Variants in ANK3 observed in about 807,000 individuals in gnomAD.
ANK3 encodes the protein ankyrin 3.
In ANK3, 57 loss-of-function variants were observed where a neutral mutation model predicts 370.9. The ratio of observed to expected loss-of-function variants is 0.15; its 90% CI spans 0.12 to 0.19. The LOEUF (loss-of-function observed/expected upper bound fraction) is 0.19. Ranked by LOEUF, ANK3 falls within the 10% of genes least tolerant of loss-of-function variation. ANK3 has a pLI of 1.00. For synonymous variants in ANK3, 1,929 were observed against 1,946.3 expected (o/e 0.99, Z 0.23); for missense variants, 4,439 against 5,302.1 (o/e 0.84, Z 5.06).
In ANK3 at chr10:60,069,626, C is replaced by T; in HGVS notation, c.11255G>A (p.Cys3752Tyr). ...TDKIEAVMTS[C>Y]QGLENETITM... The stretch of plus-strand genomic sequence containing the variant: ...TATAGTTTCATTTTCTAATCCCTGA[C>T]AACTGGTCATCACCGCTTCTATCTT... Residue 3752 changes from cysteine to tyrosine, a missense_variant, in exon 37 of 44, where the codon TGT (cysteine) becomes TAT (tyrosine). Around this residue, in one of 13 missense-constraint regions of ANK3, gnomAD observed 496 missense variants for 529.3 expected, o/e 0.94. Transcript: ENST00000280772. 4 of 1,614,190 alleles carry T rather than the reference C, an allele frequency of 2.5e-6. No individual in the cohort carries two copies. Among genetic ancestry groups the T allele is most frequent in the South Asian group, 1.1e-5 (1 of 91,082 alleles).
chr10:60,431,608 G>A (rs988945370), intron 2 of ANK3, among the ~76,000 whole-genome samples: 1 of 152,064 alleles, frequency 6.6e-6, no homozygotes, highest in Non-Finnish European at 1.5e-5. Flanking sequence ...GAGAACACGA[G>A]GACACAGGGA....
At chr10:60,733,455 A>T in exon 1 of ANK3, 3 of 761,372 alleles carry the variant, frequency 3.9e-6, no homozygotes, top group Non-Finnish European at 5.4e-6. Flanking sequence ...CGGCCCCGCG[A>T]CGCCCGCCCA....
chr10:60,046,739 AT>A (rs2077027715), intron 42 of ANK3, among the ~76,000 whole-genome samples: 1 of 152,078 alleles, frequency 6.6e-6, no homozygotes, highest in Non-Finnish European at 1.5e-5. Context: ...TCTGTCAACT[AT>A]ATTAGAGACC....
In ANK3 at chr10:60,190,629, T is replaced by C. The variant is rs75537778; in HGVS notation, c.1888-3717A>G. Among the ~76,000 whole-genome samples, 290 of 152,278 alleles carry C rather than the reference T, an allele frequency of 1.9e-3. 3 individuals carry two copies. Among genetic ancestry groups the C allele is most frequent in the African/African-American group, 6.8e-3 (281 of 41,542 alleles). Reference sequence around the variant, plus strand: ...TTTCTTGCTGCCTGTGGCTTGAAAGTAAATTTGGCAACCCAGTCAACAGTC... The same window carrying C: ...TTTCTTGCTGCCTGTGGCTTGAAAGCAAATTTGGCAACCCAGTCAACAGTC... On this transcript the variant is annotated intron_variant, in intron 16 of 43. Coordinates refer to ENST00000280772, the MANE Select transcript of ANK3 (RefSeq NM_020987.5).
rs527817762 is a variant in ANK3, at chr10:60,407,829, C to T, written c.97-128190G>A. Among the ~76,000 whole-genome samples the T allele has an allele frequency of 2.0e-5, 3 of 152,278 alleles. No individual in the cohort carries two copies. In the East Asian group the frequency reaches 5.8e-4, roughly 29 times the overall value. Reference sequence around the variant, plus strand: ...ATGTCACACATTTAATGAATTTCTGCCCCTTTGAAGCAATGCAAAATGATG... The same window carrying T: ...ATGTCACACATTTAATGAATTTCTGTCCCTTTGAAGCAATGCAAAATGATG... On this transcript the variant is annotated intron_variant, in intron 2 of 43. Coordinates refer to the ANK3 transcript ENST00000373827.
chr10:60,354,804 G>A lies in ANK3; in HGVS notation c.114+34621C>T, dbSNP rs2057462316. ...CTACAATGCAGTTGTATAAAAAGTG[G>A]AATGTTATTATAATACACGTTTATC... On this transcript the variant is annotated intron_variant, in intron 1 of 43. Coordinates refer to ENST00000280772, the MANE Select transcript of ANK3 (RefSeq NM_020987.5). Among the ~76,000 whole-genome samples, 5 of 152,040 alleles carry A rather than the reference G, an allele frequency of 3.3e-5. 1 individual carries two copies. In the South Asian group the frequency reaches 1.0e-3, roughly 32 times the overall value.
At chr10:60,324,267 C>A (rs181601585) in intron 1 of ANK3, among the ~76,000 whole-genome samples, 1 of 152,298 alleles carries the variant, frequency 6.6e-6, no homozygotes, top group East Asian at 1.9e-4. Context: ...GGACAGAAGA[C>A]AAAGTGCAAG....
chr10:60,145,929 G>T, intron 23 of ANK3: 2 of 717,732 alleles, frequency 2.8e-6, no homozygotes, highest in Non-Finnish European at 5.0e-6. Context: ...TTTCAAAATG[G>T]GAACTATATT....
Position 60,612,854 on chromosome 10 carries a change from C to T in ANK3, c.96+2332G>A, listed in dbSNP as rs147498116. 3.9e-5 allele frequency among the ~76,000 whole-genome samples: 6 copies of T among 152,242 alleles called. No individual in the cohort carries two copies. In the East Asian group the frequency reaches 5.8e-4, roughly 15 times the overall value. On this transcript the variant is annotated intron_variant, in intron 2 of 43. Transcript: ENST00000373827. ...GTAGTCTTTGTATCTTCTGGCATCA[C>T]GGGCACAGAGTCAGAATTTCAGTAA...
intron 2 of ANK3, among the ~76,000 whole-genome samples, chr10:60,524,171 A>G (rs902874663): frequency 3.9e-5 from 6 of 152,134 alleles, no homozygotes; most frequent in African/African-American, 1.4e-4. Context: ...TCCTGATAAT[A>G]AGAATCTCCT....
At chr10:60,239,952 C>A (rs1430892624) in intron 7 of ANK3, among the ~76,000 whole-genome samples, 1 of 150,230 alleles carries the variant, frequency 6.7e-6, no homozygotes, top group Non-Finnish European at 1.5e-5. Flanking sequence ...AATTTTTATA[C>A]ATAAATATAT....
intron 1 of ANK3, among the ~76,000 whole-genome samples, chr10:60,709,646 G>A (rs967453027): frequency 4.6e-5 from 7 of 151,910 alleles, no homozygotes; most frequent in African/African-American, 7.3e-5. Flanking sequence ...GCAACATGGC[G>A]AAACCCTGTC....
chr10:60,649,325 A>G (rs1351170784), intron 1 of ANK3, among the ~76,000 whole-genome samples: 1 of 152,208 alleles, frequency 6.6e-6, no homozygotes, highest in African/African-American at 2.4e-5. Context: ...ATACTTTTTA[A>G]GGTACACTGT....
chr10:60,177,851 C>T (rs537668808), intron 18 of ANK3, among the ~76,000 whole-genome samples: 4 of 152,036 alleles, frequency 2.6e-5, no homozygotes, highest in East Asian at 1.9e-4. Flanking sequence ...CTGGCCGCCG[C>T]GGCCTCCCAA....
chr10:60,348,257 T>C (rs1280847156), intron 1 of ANK3, among the ~76,000 whole-genome samples: 4 of 149,086 alleles, frequency 2.7e-5, no homozygotes, highest in Non-Finnish European at 5.9e-5. Flanking sequence ...ATTCTAAGTC[T>C]AGGTGACACA....
chr10:60,696,171 C>T (rs564128513), intron 1 of ANK3, among the ~76,000 whole-genome samples: 2 of 149,542 alleles, frequency 1.3e-5, no homozygotes, highest in African/African-American at 4.9e-5. Flanking sequence ...ATAAATTCCT[C>T]GACACATACA....
At chr10:60,351,835 G>A (rs930530734) in intron 1 of ANK3, among the ~76,000 whole-genome samples, 2 of 151,862 alleles carry the variant, frequency 1.3e-5, no homozygotes, top group Non-Finnish European at 2.9e-5. Context: ...ACACCTCCCT[G>A]TTACTTTTAA....
intron 24 of ANK3, among the ~76,000 whole-genome samples, chr10:60,134,709 T>C (rs1328399395): frequency 6.6e-6 from 1 of 152,174 alleles, no homozygotes; most frequent in East Asian, 1.9e-4. Context: ...TAGGATGAGA[T>C]CTTATGTTAG....
chr10:60,188,522 T>C (rs1261137720), intron 16 of ANK3, among the ~76,000 whole-genome samples: 2 of 152,188 alleles, frequency 1.3e-5, no homozygotes, highest in Non-Finnish European at 1.5e-5. Flanking sequence ...TCAGTCACAA[T>C]CTTTTTGAGC....
Sources: gnomAD v4.1 joint callset for allele counts (sites outside exome capture counted in the v4.1 genomes callset) on GRCh38, gnomAD v4.1.1 for gene constraint, gnomAD v4.1.1 regional missense constraint, MANE v1.5 for transcripts, NCBI Gene and HGNC (gene_info 2026-07-23, HGNC 2026-07-21) for gene names.